ZFR: variants seen among roughly 807,000 people sequenced by gnomAD.
ZFR encodes the protein zinc finger RNA binding protein, also known as zinc finger RNA-binding protein.
Under a neutral mutation model 130.7 loss-of-function variants are expected in ZFR, and 19 were observed. The ratio of observed to expected loss-of-function variants is 0.15; its 90% CI spans 0.10 to 0.21. The LOEUF (loss-of-function observed/expected upper bound fraction) is 0.21, where lower values mean the gene tolerates loss of function less well. ZFR is among the 10% of genes least tolerant of loss of function. ZFR has a pLI of 1.00. For synonymous variants in ZFR, 466 were observed against 456.9 expected (o/e 1.02, Z -0.25); for missense variants, 872 against 1,321.5 (o/e 0.66, Z 5.27).
chr5:32,432,898 GTT>G (rs35127723), intron 2 of ZFR, among the ~76,000 whole-genome samples: 20 of 141,146 alleles, frequency 1.4e-4, no homozygotes, highest in Non-Finnish European at 1.4e-4. Flanking sequence ...CTGGCTAATT[GTT>G]TTTTTTTTTT....
intron 9 of ZFR, 45 bp from the exon 10 acceptor site, chr5:32,397,383 A>G (rs748393316): frequency 9.4e-6 from 15 of 1,593,188 alleles, no homozygotes; most frequent in Middle Eastern, 1.7e-4. Context: ...GTTGAAGATT[A>G]TATCATTCAT....
chr5:32,402,963 A>G, intron 8 of ZFR, 143 bp downstream of exon 8: 1 of 744,800 alleles, frequency 1.3e-6, no homozygotes. Context: ...ATACACACAC[A>G]CTAGGCAGAT....
At chr5:32,419,208 C>G (rs1056144961) in intron 3 of ZFR, among the ~76,000 whole-genome samples, 1 of 152,088 alleles carries the variant, frequency 6.6e-6, no homozygotes, top group African/African-American at 2.4e-5. Flanking sequence ...AACAAACAAA[C>G]AAACTTGGGG....
intron 14 of ZFR, among the ~76,000 whole-genome samples, 180 bp downstream of exon 14, chr5:32,387,369 T>TA (rs1300149663): frequency 6.6e-6 from 1 of 151,992 alleles, no homozygotes; most frequent in Non-Finnish European, 1.5e-5. Context: ...CTATAAAACC[T>TA]AAAAAAGATG....
intron 9 of ZFR, among the ~76,000 whole-genome samples, chr5:32,399,705 TTA>T (rs1441333285): frequency 1.3e-5 from 2 of 152,218 alleles, no homozygotes; most frequent in African/African-American, 4.8e-5. Context: ...TTTTAAAGTT[TTA>T]TGATAGTTGA....
rs377239296 is a variant in ZFR at position 32,438,510 on chromosome 5, A to C, written c.137+5719T>G. Among the ~76,000 whole-genome samples the C allele has an allele frequency of 9.2e-5, 14 of 151,896 alleles. No individual in the cohort carries two copies. The East Asian group carries it at 1.2e-3, about 13-fold the overall frequency. On this transcript the variant is annotated intron_variant, in intron 2 of 19. Transcript: ENST00000265069. Reference sequence around the variant, plus strand: ...ATTCCCAACCTCAAGTGATCTGCCCACCTCGGCCTCCCAAAGTGCAGGGAT... The same window carrying C: ...ATTCCCAACCTCAAGTGATCTGCCCCCCTCGGCCTCCCAAAGTGCAGGGAT...
rs70961626 is a variant in ZFR at position 32,397,849 on chromosome 5, CTTTTTTTTT to C, written c.1714-520_1714-512del. 3.1e-3 allele frequency among the ~76,000 whole-genome samples: 209 copies of C among 66,876 alleles called. 3 individuals carry two copies. Among genetic ancestry groups the C allele is most frequent in the African/African-American group, 0.012 (191 of 15,908 alleles). The allele number at this position is 66,876 out of a possible 152,430, so 43.9% of individuals were successfully genotyped here. ...TGATAGCATGTGTTTGCTCTTGTAT[CTTTTTTTTT>C]TTTTTTTTTTTTTTTTTGAGATGGA... is the stretch of plus-strand genomic sequence containing the variant. On this transcript the variant is annotated intron_variant, in intron 9 of 19. Coordinates refer to ENST00000265069, the MANE Select transcript of ZFR (RefSeq NM_016107.5).
At chr5:32,435,651 T>C (rs1754316679) in intron 2 of ZFR, among the ~76,000 whole-genome samples, 1 of 152,198 alleles carries the variant, frequency 6.6e-6, no homozygotes, top group Non-Finnish European at 1.5e-5. Context: ...TTATTGTTTT[T>C]CCCATCAAAA....
intron 4 of ZFR, among the ~76,000 whole-genome samples, chr5:32,415,827 A>T (rs1041418863): frequency 6.6e-6 from 1 of 152,200 alleles, no homozygotes; most frequent in Non-Finnish European, 1.5e-5. Flanking sequence ...ATTTTGAAAG[A>T]GTCTTAGAAG....
At chr5:32,383,636 A>G in intron 15 of ZFR, 2 of 366,212 alleles carry the variant, frequency 5.5e-6, no homozygotes, top group Admixed American at 6.4e-5. Context: ...AACTCTCATG[A>G]TTTACAATTG....
chr5:32,440,930 TA>T (rs1418949131), intron 2 of ZFR, among the ~76,000 whole-genome samples: 1 of 152,202 alleles, frequency 6.6e-6, no homozygotes, highest in Non-Finnish European at 1.5e-5. Flanking sequence ...TTTAATCAAA[TA>T]TCTTACAGAA....
intron 5 of ZFR, among the ~76,000 whole-genome samples, chr5:32,409,228 A>G (rs952614399): frequency 2.0e-5 from 3 of 152,206 alleles, no homozygotes; most frequent in African/African-American, 7.2e-5. Flanking sequence ...CAGAGATCTT[A>G]GTCTAGAAAT....
At chr5:32,409,843 G>A (rs911397290) in intron 5 of ZFR, among the ~76,000 whole-genome samples, 2 of 151,996 alleles carry the variant, frequency 1.3e-5, no homozygotes, top group African/African-American at 4.8e-5. Context: ...AATGGGATCC[G>A]CTCAAACCAG....
chr5:32,435,056 C>G (rs1754304500), intron 2 of ZFR, among the ~76,000 whole-genome samples: 1 of 152,038 alleles, frequency 6.6e-6, no homozygotes, highest in South Asian at 2.1e-4. Flanking sequence ...GGAGCAGGGA[C>G]CACAGGTGTA....
At chr5:32,382,350 A>C (rs1752951838) in intron 15 of ZFR, among the ~76,000 whole-genome samples, 1 of 152,130 alleles carries the variant, frequency 6.6e-6, no homozygotes, top group Admixed American at 6.6e-5. Flanking sequence ...ACACACAAAA[A>C]AGAAAAAGCT....
Position 32,423,595 on chromosome 5 carries a change from T to C in ZFR, c.138-3492A>G, listed in dbSNP as rs191539185. ...TGAAAAATACAAAAGAAAGGATAAG[T>C]CTAGAAGGCCCAATGTCCTGCCTGA... is the stretch of plus-strand genomic sequence containing the variant. On this transcript the variant is annotated intron_variant, in intron 2 of 19. Coordinates refer to ENST00000265069, the MANE Select transcript of ZFR (RefSeq NM_016107.5). Among the ~76,000 whole-genome samples, 703 of 151,580 alleles carry C rather than the reference T, an allele frequency of 4.6e-3. 2 individuals carry two copies. Among genetic ancestry groups the C allele is most frequent in the Non-Finnish European group, 7.0e-3 (474 of 67,860 alleles).
intron 2 of ZFR, among the ~76,000 whole-genome samples, chr5:32,437,035 G>A (rs1409428240): frequency 6.6e-6 from 1 of 152,192 alleles, no homozygotes; most frequent in Non-Finnish European, 1.5e-5. Flanking sequence ...GCCAGATTCA[G>A]CTTAGGTAGT....
At chr5:32,417,621 G>GA in intron 4 of ZFR, 27 bp downstream of exon 4, 1 of 1,608,788 alleles carries the variant, frequency 6.2e-7, no homozygotes, top group Non-Finnish European at 8.5e-7. Context: ...AGTTTACAAA[G>GA]AAACTCTGTA....
chr5:32,397,294 T>C lies in ZFR; in HGVS notation c.1758A>G (p.Leu586=), dbSNP rs1466204724. 1 of 1,613,432 alleles carries C rather than the reference T, an allele frequency of 6.2e-7. No individual in the cohort carries two copies. Among genetic ancestry groups the C allele is most frequent in the Non-Finnish European group, 8.5e-7 (1 of 1,179,770 alleles). The change falls in exon 10 of 20, where the codon TTA becomes TTG. Residue 586 remains leucine (L), a synonymous_variant. Transcript: ENST00000265069. ...EGKVIRFHCK[L]CECSFNDPNA... ...TGGGATCATTAAAGCTGCACTCGCA[T>C]AATTTACAATGGAACCGAATTACTT...
Sources: gnomAD v4.1 joint callset for allele counts (sites outside exome capture counted in the v4.1 genomes callset) on GRCh38, gnomAD v4.1.1 for gene constraint, MANE v1.5 for transcripts, NCBI Gene and HGNC (gene_info 2026-07-23, HGNC 2026-07-21) for gene names.